Variants in RECQL5 observed in about 807,000 individuals in gnomAD.
RECQL5 encodes the protein ATP-dependent DNA helicase Q5.
A neutral mutation model predicts 103.4 loss-of-function variants in RECQL5; 88 were observed. That is an observed-to-expected ratio of 0.85 (90% CI 0.72 to 1.02). RECQL5 has a LOEUF of 1.02. Ranked by LOEUF, RECQL5 falls within the 50% of genes least tolerant of loss-of-function variation. RECQL5 has a pLI of 0.00. For synonymous variants in RECQL5, 552 were observed against 507.9 expected (o/e 1.09, Z -1.17); for missense variants, 1,232 against 1,284.3 (o/e 0.96, Z 0.62).
chr17:75,661,725 A>G lies in RECQL5; in HGVS notation c.772-17T>C. 1 of 1,592,188 alleles carries G rather than the reference A, an allele frequency of 6.3e-7. No individual in the cohort carries two copies. The highest frequency in any genetic ancestry group is 2.2e-5 in the East Asian group (1 of 44,774). ...GCCAGATAACTGAATGGGGAGATGC[A>G]GGAAGAAAATAAGCATAGCAAGAAC... is the stretch of plus-strand genomic sequence containing the variant. On this transcript the variant is annotated splice_polypyrimidine_tract_variant and intron_variant, in intron 4 of 19. Coordinates refer to ENST00000317905, the MANE Select transcript of RECQL5 (RefSeq NM_004259.7).
Position 75,629,182 on chromosome 17 carries a change from G to A in RECQL5, c.2241C>T (p.Ser747=), listed in dbSNP as rs1443205984. The part of the protein sequence containing the change: ...GGSSLAKGRA[S]KKQQLLATAA... ...CTGTGGCTAGGAGCTGCTGTTTCTT[G>A]CTAGCCCGGCCCTTGGCAAGGGAGC... Residue 747 remains serine, a synonymous_variant, in exon 16 of 20, where the codon AGC becomes AGT. Coordinates refer to ENST00000317905, the MANE Select transcript of RECQL5 (RefSeq NM_004259.7). 1.2e-6 allele frequency: 2 copies of A among 1,613,652 alleles called. No individual in the cohort carries two copies. Among genetic ancestry groups the A allele is most frequent in the Admixed American group, 1.7e-5 (1 of 60,026 alleles).
chr17:75,639,066 C>T (rs1279832535), intron 8 of RECQL5: 3 of 152,292 alleles, frequency 2.0e-5, no homozygotes, highest in African/African-American at 4.8e-5. Context: ...CAAGGATGGC[C>T]GCAGGCCAAT....
chr17:75,627,079 G>A lies in RECQL5; in HGVS notation c.*343C>T. The stretch of plus-strand genomic sequence containing the variant: ...GTAGGTTCCGATACCTTGGACAGGT[G>A]GGCCTCATCCTGACTTAGAACTCGG... On this transcript the variant is annotated 3_prime_UTR_variant, in exon 20 of 20. Coordinates refer to ENST00000317905, the MANE Select transcript of RECQL5 (RefSeq NM_004259.7). 1 of 472,854 alleles carries A rather than the reference G, an allele frequency of 2.1e-6. No individual in the cohort carries two copies. The highest frequency in any genetic ancestry group is 4.2e-6 in the Non-Finnish European group (1 of 240,074). The allele number at this position is 472,854 out of a possible 1,614,324, so 29.3% of individuals were successfully genotyped here. A position where few individuals can be genotyped will look rare whatever the true frequency, so the allele number is the denominator to read the frequency against.
intron 7 of RECQL5, among the ~76,000 whole-genome samples, chr17:75,657,747 TAAAAAAA>T (rs35049816): frequency 8.9e-6 from 1 of 112,222 alleles, no homozygotes; most frequent in African/African-American, 3.3e-5. Flanking sequence ...CCTTGTCTCT[TAAAAAAA>T]AAAAAAAAAA....
In RECQL5 at chr17:75,640,793, A is replaced by G. The variant is rs925957719; in HGVS notation, c.1230-9125T>C. 2.6e-6 allele frequency: 4 copies of G among 1,549,868 alleles called. No individual in the cohort carries two copies. In the Admixed American group the frequency reaches 7.8e-5, roughly 30 times the overall value. ...CGTGCTCTCTCCCGGCCCTCCAGCT[A>G]CTGTTCTGCTGTTGCTGCTGATAGC... On this transcript the variant is annotated intron_variant, in intron 8 of 19. Transcript: ENST00000317905. This position sits in a 1 kb window ranked among gnomAD's most constrained non-coding sequence, Gnocchi z 4.6.
rs868399159 is a variant in RECQL5 at position 75,658,422 on chromosome 17, C to T, written c.1025G>A (p.Gly342Glu). The change falls in exon 7 of 20, where the codon GGG becomes GAG. Residue 342 changes from glycine (G) to glutamate (E), a missense_variant. Physicochemically the swap from Gly to Glu is moderately conservative, Grantham distance 98 (BLOSUM62 -2). Coordinates refer to ENST00000317905, the MANE Select transcript of RECQL5 (RefSeq NM_004259.7). ...AGCCCGGCCAGACTCCTGGTAGTAC[C>T]CAGCCATAGACTTGGCAATATTCCA... The part of the protein sequence containing the change: ...AHWNIAKSMA[G>E]YYQESGRAGR... 1.2e-6 allele frequency: 2 copies of T among 1,613,840 alleles called. No homozygotes were observed. Among genetic ancestry groups the T allele is most frequent in the African/African-American group, 1.3e-5 (1 of 74,910 alleles).
chr17:75,661,776 C>A (rs2059702993), intron 4 of RECQL5, 68 bp from the exon 5 acceptor site: 1 of 1,174,398 alleles, frequency 8.5e-7, no homozygotes, highest in Admixed American at 1.8e-5. Flanking sequence ...GTGTAATGCA[C>A]CCTGCTCTAA....
chr17:75,664,049 C>A (rs2059734369), intron 3 of RECQL5, among the ~76,000 whole-genome samples: 1 of 71,624 alleles, frequency 1.4e-5, no homozygotes, highest in Non-Finnish European at 3.0e-5. Flanking sequence ...AGCGAAACTC[C>A]ATCTCAAAAA....
rs1285612925 is a variant in RECQL5 at position 75,658,565 on chromosome 17, G to C, written c.987-105C>G. 2.9e-6 allele frequency: 3 copies of C among 1,029,396 alleles called. No individual in the cohort carries two copies. In the African/African-American group the frequency reaches 4.8e-5, roughly 16 times the overall value. 63.8% of individuals were successfully genotyped at this position (1,029,396 alleles called of 1,614,324 possible). On this transcript the variant is annotated intron_variant, in intron 6 of 19. Coordinates refer to ENST00000317905, the MANE Select transcript of RECQL5 (RefSeq NM_004259.7). ...AGCAGGGAGGCCAGCAGATAGGGAG[G>C]GAGAGGGATAGTCCCAGAGTTAGAA...
intron 8 of RECQL5, chr17:75,633,919 G>A: frequency 1.0e-6 from 1 of 987,448 alleles, no homozygotes. Context: ...TTGTCCCTGA[G>A]CAGCGCTCTC....
chr17:75,629,084 G>T lies in RECQL5; in HGVS notation c.2339C>A (p.Ser780Ter), dbSNP rs201257599. 5.6e-5 allele frequency: 91 copies of T among 1,613,278 alleles called. No homozygotes were observed. In the African/African-American group the frequency reaches 1.1e-3, roughly 19 times the overall value. ...GCAGGCACCTTCTGCCTCTGGGGCT[G>T]ATGCCAGCAGAGCTGGGCTTTCCAC... ...RRVESPALLA[S>*]APEAEGACPS... Residue 780 changes from serine to a stop codon, truncating the protein, a stop_gained, in exon 16 of 20, where the codon TCA becomes TAA. Coordinates refer to ENST00000317905, the MANE Select transcript of RECQL5 (RefSeq NM_004259.7). LOFTEE classifies it high-confidence loss of function.
chr17:75,640,159 C>T lies in RECQL5; in HGVS notation c.1230-8491G>A. 6.6e-7 allele frequency: 1 copy of T among 1,515,130 alleles called. No homozygotes were observed. The allele number at this position is 1,515,130 out of a possible 1,614,324, so 93.9% of individuals were successfully genotyped here. A position where few individuals can be genotyped will look rare whatever the true frequency, so the allele number is the denominator to read the frequency against. On this transcript the variant is annotated intron_variant, in intron 8 of 19. Coordinates refer to ENST00000317905, the MANE Select transcript of RECQL5 (RefSeq NM_004259.7). This position sits in a 1 kb window ranked among gnomAD's most constrained non-coding sequence, Gnocchi z 4.6. Reference sequence around the variant, plus strand: ...GGAGGCTCCAGGTGTTCTCTCTGCCCCAGCAGAGCCCGGCAGGAGCCCCAA... The same window carrying T: ...GGAGGCTCCAGGTGTTCTCTCTGCCTCAGCAGAGCCCGGCAGGAGCCCCAA...
chr17:75,630,880 T>C, intron 11 of RECQL5, 43 bp from the exon 12 acceptor site: 1 of 1,532,824 alleles, frequency 6.5e-7, no homozygotes, highest in Non-Finnish European at 8.9e-7. Context: ...CGCTCCACCT[T>C]CTGCGCTCTG....
rs781098493 is a variant in RECQL5, at chr17:75,629,856, G to C, written c.1813-14C>G. ...GATATCGGCCACCTGGGCAGGGATA[G>C]GCAGGGAGGCTGTGGCACCCGCCAG... On this transcript the variant is annotated splice_polypyrimidine_tract_variant and intron_variant, in intron 14 of 19. Transcript: ENST00000317905. 3 of 1,579,298 alleles carry C rather than the reference G, an allele frequency of 1.9e-6. No homozygotes were observed. The highest frequency in any genetic ancestry group is 2.6e-6 in the Non-Finnish European group (3 of 1,160,126).
At chr17:75,628,085 G>T (rs544505360) in intron 18 of RECQL5, 133 bp downstream of exon 18, 37 of 768,752 alleles carry the variant, frequency 4.8e-5, no homozygotes, top group Middle Eastern at 5.3e-4. Flanking sequence ...GGCAAGGCAG[G>T]CCCCAGGGAG....
At chr17:75,658,572 G>T in intron 6 of RECQL5, 112 bp from the exon 7 acceptor site, 1 of 943,704 alleles carries the variant, frequency 1.1e-6, no homozygotes, top group Non-Finnish European at 1.6e-6. Flanking sequence ...GAGGGAGAGG[G>T]ATAGTCCCAG....
At chr17:75,664,954 T>C (rs371340510) in intron 3 of RECQL5, 97 bp downstream of exon 3, 2 of 1,163,730 alleles carry the variant, frequency 1.7e-6, no homozygotes, top group Non-Finnish European at 2.2e-6. Context: ...GAAAAGAAAA[T>C]AAGAGGCAAA....
chr17:75,643,701 G>A (rs568456580), intron 8 of RECQL5, among the ~76,000 whole-genome samples: 2 of 152,348 alleles, frequency 1.3e-5, no homozygotes, highest in East Asian at 1.9e-4. Context: ...GCGGCCTGAA[G>A]ACAGGTGGGG....
At chr17:75,631,770 C>A in intron 8 of RECQL5, 102 bp from the exon 9 acceptor site, 1 of 1,227,756 alleles carries the variant, frequency 8.1e-7, no homozygotes, top group African/African-American at 1.5e-5. Flanking sequence ...CTGCCGCGTC[C>A]GGCACCATGC....
Sources: allele counts gnomAD v4.1 joint callset (sites outside exome capture counted in the v4.1 genomes callset), GRCh38; gene constraint gnomAD v4.1.1; non-coding constraint Gnocchi (gnomAD v3.1); transcripts MANE v1.5; gene names NCBI Gene and HGNC (gene_info 2026-07-23, HGNC 2026-07-21).